USP53: variants seen among roughly 807,000 people sequenced by gnomAD.
The protein encoded by USP53 is ubiquitin specific peptidase 53.
Under a neutral mutation model 94.9 loss-of-function variants are expected in USP53, and 71 were observed. The observed-to-expected ratio is 0.75, with a 90% CI of 0.62 to 0.91. The LOEUF is 0.91. Ranked by LOEUF, USP53 falls within the 40% of genes least tolerant of loss-of-function variation. The pLI, the probability that USP53 is intolerant of heterozygous loss-of-function variation, is 0.00. For synonymous variants in USP53, 375 were observed against 422.7 expected (o/e 0.89, Z 1.39); for missense variants, 1,173 against 1,281.0 (o/e 0.92, Z 1.29).
At chr4:119,223,208 A>G (rs9991222) in intron 3 of USP53, among the ~76,000 whole-genome samples, 145,713 of 152,304 alleles carry the variant, frequency 0.96, 69,738 homozygotes, top group East Asian at 0.99. Context: ...TTGTTCCTTT[A>G]TTTGGCACCT....
chr4:119,287,253 A>C (rs930303957), intron 17 of USP53, among the ~76,000 whole-genome samples: 9 of 152,156 alleles, frequency 5.9e-5, no homozygotes, highest in Admixed American at 5.9e-4. Context: ...ACAGCAATTT[A>C]GTGGAAGTAA....
At chr4:119,267,615 A>T (rs1751309823) in intron 13 of USP53, 133 bp downstream of exon 13, 1 of 1,082,452 alleles carries the variant, frequency 9.2e-7, no homozygotes, top group East Asian at 2.8e-5. Flanking sequence ...AGGAAATTTT[A>T]GTAATTTTTG....
intron 12 of USP53, among the ~76,000 whole-genome samples, chr4:119,263,466 A>G (rs896592460): frequency 8.5e-5 from 13 of 152,176 alleles, no homozygotes; most frequent in African/African-American, 3.1e-4. Flanking sequence ...CTGTACAGGG[A>G]AAAAGTTCTG....
chr4:119,255,483 C>G (rs549258675), intron 7 of USP53, among the ~76,000 whole-genome samples: 1 of 152,180 alleles, frequency 6.6e-6, no homozygotes, highest in African/African-American at 2.4e-5. Context: ...ACCAACCTCC[C>G]GCATCCCAGG....
At position 119,292,824 on chromosome 4, in the gene USP53, T is replaced by C. The variant is rs746677456; in HGVS notation, c.2835T>C (p.Asp945=). ...CAGAGAAAAGCGAATCTACACCTGATGTCAAACTTACAGAGGTGTTTAAAG... is the reference window on the plus strand; with the variant it reads ...CAGAGAAAAGCGAATCTACACCTGACGTCAAACTTACAGAGGTGTTTAAAG... ...PQSEKSESTP[D]VKLTEVFKAT... Residue 945 remains aspartate, a synonymous_variant, in exon 19 of 19, where the codon GAT becomes GAC. Coordinates refer to ENST00000692078, the MANE Select transcript of USP53 (RefSeq NM_001371395.1). 2 of 1,614,142 alleles carry C rather than the reference T, an allele frequency of 1.2e-6. No homozygotes were observed. Among genetic ancestry groups the C allele is most frequent in the South Asian group, 1.1e-5 (1 of 91,086 alleles).
rs540249243 is a variant in USP53 at position 119,269,938 on chromosome 4, A to G, written c.1435+101A>G. On this transcript the variant is annotated intron_variant, in intron 15 of 18. Transcript: ENST00000692078. ...TTAATTTCTGTATATGTTAAATAATATATATTAAAAATACATAAATATATA... is the reference window on the plus strand; with the variant it reads ...TTAATTTCTGTATATGTTAAATAATGTATATTAAAAATACATAAATATATA... The G allele has an allele frequency of 1.1e-4, 57 of 539,570 alleles. No homozygotes were observed. In the East Asian group the frequency reaches 4.2e-3, roughly 40 times the overall value. The allele number at this position is 539,570 out of a possible 1,614,324, so 33.4% of individuals were successfully genotyped here.
chr4:119,249,317 C>T (rs1241780396), intron 7 of USP53, among the ~76,000 whole-genome samples: 1 of 152,094 alleles, frequency 6.6e-6, no homozygotes, highest in Non-Finnish European at 1.5e-5. Context: ...CAGCCTGTTA[C>T]ACACATTCCA....
rs557535682 is a variant in USP53 at position 119,251,330 on chromosome 4, G to A, written c.372+2448G>A. ...CGATGAACATTTGGGTTGGTTCCACGTCTTTGCTATTGTGAATAGTGCCAC... is the reference window on the plus strand; with the variant it reads ...CGATGAACATTTGGGTTGGTTCCACATCTTTGCTATTGTGAATAGTGCCAC... On this transcript the variant is annotated intron_variant, in intron 7 of 18. Coordinates refer to ENST00000692078, the MANE Select transcript of USP53 (RefSeq NM_001371395.1). Among the ~76,000 whole-genome samples the A allele has an allele frequency of 4.1e-4, 62 of 152,186 alleles. No homozygotes were observed. The South Asian group carries it at 6.6e-3, about 16-fold the overall frequency.
intron 9 of USP53, 22 bp from the exon 10 acceptor site, chr4:119,259,798 G>A (rs1361341628): frequency 6.3e-7 from 1 of 1,588,100 alleles, no homozygotes; most frequent in Middle Eastern, 1.7e-4. Flanking sequence ...GGCCAGATTT[G>A]GGATTGCTTC....
intron 7 of USP53, among the ~76,000 whole-genome samples, chr4:119,249,464 G>A (rs1321107377): frequency 6.6e-6 from 1 of 152,076 alleles, no homozygotes; most frequent in East Asian, 1.9e-4. Flanking sequence ...CATTAATATT[G>A]ATGTCACCTA....
chr4:119,239,311 T>G lies in USP53; in HGVS notation c.-449T>G, dbSNP rs1011392271. 16 of 155,946 alleles carry G rather than the reference T, an allele frequency of 1.0e-4. No homozygotes were observed. The highest frequency in any genetic ancestry group is 3.6e-4 in the African/African-American group (15 of 41,638). The allele number at this position is 155,946 out of a possible 1,614,324, so 9.7% of individuals were successfully genotyped here. A position where few individuals can be genotyped will look rare whatever the true frequency, so the allele number is the denominator to read the frequency against. On this transcript the variant is annotated 5_prime_UTR_variant, in exon 5 of 19. The change abolishes the stop of an existing upstream ORF in the 5' untranslated region. Transcript: ENST00000692078. ...AGAAAACTTTCTTGTTAAAAAAACA[T>G]AAGGAAAACAAACAACCAAAGGAAT...
intron 3 of USP53, among the ~76,000 whole-genome samples, chr4:119,222,979 C>A (rs1489803200): frequency 6.6e-6 from 1 of 151,732 alleles, no homozygotes; most frequent in Non-Finnish European, 1.5e-5. Context: ...ATATTTTTCC[C>A]TTGTGGATTA....
chr4:119,292,240 T>C, intron 18 of USP53, 98 bp from the exon 19 acceptor site: 1 of 1,297,094 alleles, frequency 7.7e-7, no homozygotes, highest in Non-Finnish European at 1.0e-6. Context: ...ATAAACTGTA[T>C]TTTGGGAAAA....
chr4:119,271,854 AAAAT>A lies in USP53; in HGVS notation c.1998_2001del (p.Asn666LysfsTer4), dbSNP rs777723964. ...GAATCTAATGGAAAAGGAGCAGAGA[AAAAT>A]AAAGGCCTTGTAGAGGGTAAAGTGC... On this transcript the variant is annotated frameshift_variant, in exon 16 of 19. Transcript: ENST00000692078. LOFTEE classifies it high-confidence loss of function. 1.2e-6 allele frequency: 2 copies of A among 1,613,424 alleles called. No homozygotes were observed. Among genetic ancestry groups the A allele is most frequent in the Non-Finnish European group, 1.7e-6 (2 of 1,179,874 alleles).
intron 5 of USP53, among the ~76,000 whole-genome samples, chr4:119,240,858 T>A (rs978403268): frequency 6.6e-6 from 1 of 152,180 alleles, no homozygotes; most frequent in Non-Finnish European, 1.5e-5. Flanking sequence ...GCATTTATTC[T>A]AATTTACTTT....
At chr4:119,221,320 G>A (rs1473387505) in intron 3 of USP53, 1 of 152,070 alleles carries the variant, frequency 6.6e-6, no homozygotes, top group East Asian at 1.9e-4. Flanking sequence ...TGTAATATCA[G>A]CACTTTGAGA....
intron 5 of USP53, among the ~76,000 whole-genome samples, chr4:119,243,362 G>A (rs1166642023): frequency 6.6e-6 from 1 of 152,116 alleles, no homozygotes; most frequent in Non-Finnish European, 1.5e-5. Flanking sequence ...GCTGGGCGTG[G>A]TGGCAGGCAC....
At chr4:119,246,079 A>G (rs1748190625) in intron 6 of USP53, among the ~76,000 whole-genome samples, 2 of 152,204 alleles carry the variant, frequency 1.3e-5, no homozygotes. Flanking sequence ...CAGGAGCTTT[A>G]TGAGCAAGGA....
chr4:119,286,366 G>GT (rs956397214), intron 17 of USP53, among the ~76,000 whole-genome samples: 62 of 147,682 alleles, frequency 4.2e-4, no homozygotes, highest in African/African-American at 9.4e-4. Context: ...TTGATACTGA[G>GT]TTTTTTTTTT....
Sources: allele counts gnomAD v4.1 joint callset (sites outside exome capture counted in the v4.1 genomes callset), GRCh38; gene constraint gnomAD v4.1.1; transcripts MANE v1.5; gene names NCBI Gene and HGNC (gene_info 2026-07-23, HGNC 2026-07-21).